Variants in GALNT18 observed in about 807,000 individuals in gnomAD.
GALNT18 encodes GalNAc-transferase 18.
GALNT18 carries 44 observed loss-of-function variants against 69.5 expected under a neutral mutation model. The observed-to-expected ratio is 0.63, with a 90% CI of 0.50 to 0.81. The LOEUF (loss-of-function observed/expected upper bound fraction) is 0.81, where lower values mean the gene tolerates loss of function less well. Ranked by LOEUF, GALNT18 falls within the 40% of genes least tolerant of loss-of-function variation. GALNT18 has a pLI of 0.00. For missense variants in GALNT18, 715 were observed against 810.0 expected (o/e 0.88, Z 1.42); for synonymous variants, 364 against 318.2 (o/e 1.14, Z -1.53).
At chr11:11,545,267 A>G (rs1444277996) in intron 1 of GALNT18, among the ~76,000 whole-genome samples, 1 of 152,242 alleles carries the variant, frequency 6.6e-6, no homozygotes, top group Admixed American at 6.5e-5. Flanking sequence ...GCTTTCATAA[A>G]AGTAAAGAAC....
intron 6 of GALNT18, among the ~76,000 whole-genome samples, chr11:11,342,882 T>C (rs1487611077): frequency 6.6e-6 from 1 of 152,160 alleles, no homozygotes; most frequent in African/African-American, 2.4e-5. Context: ...TCTCAGAAGG[T>C]CACTGAGAAA....
Position 11,621,999 on chromosome 11 carries a change from G to T in GALNT18, c.-406C>A. On this transcript the variant is annotated 5_prime_UTR_variant, in exon 1 of 11. Transcript: ENST00000227756. The surrounding 1 kb of genome is among the most constrained non-coding windows in gnomAD (Gnocchi z 9.3). ...GTCCGACCGGCCCGCGCTGCTAGGA[G>T]AACAGCGGCAGCGGCAGCGGCGGCG... 6.1e-6 allele frequency: 1 copy of T among 163,920 alleles called. No homozygotes were observed. The allele number at this position is 163,920 out of a possible 1,614,324, so 10.2% of individuals were successfully genotyped here. A position where few individuals can be genotyped will look rare whatever the true frequency, so the allele number is the denominator to read the frequency against.
intron 9 of GALNT18, among the ~76,000 whole-genome samples, chr11:11,323,388 C>A (rs1005001102): frequency 1.3e-5 from 2 of 152,216 alleles, no homozygotes; most frequent in African/African-American, 4.8e-5. Context: ...AAGGAGAAAT[C>A]AGAATGAAGG....
chr11:11,611,148 A>AT (rs1859890192), intron 1 of GALNT18, among the ~76,000 whole-genome samples: 1 of 152,188 alleles, frequency 6.6e-6, no homozygotes, highest in Non-Finnish European at 1.5e-5. Flanking sequence ...CTCAAGTAAG[A>AT]TTTTTGCTTA....
rs1200188736 is a variant in GALNT18 at position 11,621,351 on chromosome 11, G to T, written c.235+8C>A. 1.2e-6 allele frequency: 2 copies of T among 1,610,998 alleles called. No individual in the cohort carries two copies. Among genetic ancestry groups the T allele is most frequent in the East Asian group, 4.5e-5 (2 of 44,772 alleles). ...CATGGGCGACCCAAGTTTCCGGGGC[G>T]CCCGTACCTTGAATGTGCTGCTTGA... On this transcript the variant is annotated splice_region_variant and intron_variant, in intron 1 of 10. Transcript: ENST00000227756. This position sits in a 1 kb window ranked among gnomAD's most constrained non-coding sequence, Gnocchi z 9.3.
At chr11:11,294,181 C>T (rs1461581515) in intron 9 of GALNT18, among the ~76,000 whole-genome samples, 1 of 152,206 alleles carries the variant, frequency 6.6e-6, no homozygotes, top group African/African-American at 2.4e-5. Context: ...CCTGGGGAAA[C>T]CAGGTCCAAG....
chr11:11,304,496 T>TA (rs780732924), intron 9 of GALNT18, among the ~76,000 whole-genome samples: 10 of 152,222 alleles, frequency 6.6e-5, no homozygotes, highest in Non-Finnish European at 1.5e-4. Flanking sequence ...AAGCTGTGCC[T>TA]ACTCAATCAC....
At chr11:11,507,506 T>C (rs1384243615) in intron 1 of GALNT18, among the ~76,000 whole-genome samples, 1 of 152,192 alleles carries the variant, frequency 6.6e-6, no homozygotes, top group African/African-American at 2.4e-5. Flanking sequence ...CTTTTCCTTC[T>C]CCCCTTCCTC....
Position 11,498,655 on chromosome 11 carries a change from C to T in GALNT18, c.236-49719G>A, listed in dbSNP as rs192114930. ...CTCTACTAAAATACAAAAAATCAGC[C>T]GGGCATGGTGCTGTGCACCTGTAGT... is the stretch of plus-strand genomic sequence containing the variant. On this transcript the variant is annotated intron_variant, in intron 1 of 10. Coordinates refer to ENST00000227756, the MANE Select transcript of GALNT18 (RefSeq NM_198516.3). 1.4e-3 allele frequency among the ~76,000 whole-genome samples: 216 copies of T among 152,206 alleles called. 1 individual carries two copies. Among genetic ancestry groups the T allele is most frequent in the South Asian group, 7.1e-3 (34 of 4,820 alleles).
At position 11,322,357 on chromosome 11, in the gene GALNT18, C is replaced by G. The variant is rs114460711; in HGVS notation, c.1512+4729G>C. Among the ~76,000 whole-genome samples the G allele has an allele frequency of 5.2e-3, 790 of 152,320 alleles. 6 individuals are homozygous for G. Among genetic ancestry groups the G allele is most frequent in the African/African-American group, 0.018 (759 of 41,568 alleles). ...TCTGCAGTTGGTAGAGAACTGGCAG[C>G]CTCTGCTCAGGCCAACATCTACCAT... On this transcript the variant is annotated intron_variant, in intron 9 of 10. Coordinates refer to ENST00000227756, the MANE Select transcript of GALNT18 (RefSeq NM_198516.3).
chr11:11,450,419 G>A (rs2050829530), intron 1 of GALNT18, among the ~76,000 whole-genome samples: 1 of 152,110 alleles, frequency 6.6e-6, no homozygotes, highest in African/African-American at 2.4e-5. Context: ...AAAGAGGGAG[G>A]CTTCCAAAAC....
intron 1 of GALNT18, among the ~76,000 whole-genome samples, chr11:11,608,189 T>A (rs1859798713): frequency 6.6e-6 from 1 of 152,126 alleles, no homozygotes; most frequent in Admixed American, 6.5e-5. Flanking sequence ...TGGGGCTAAA[T>A]CTGATATACT....
chr11:11,370,934 A>C (rs569956010), intron 6 of GALNT18, among the ~76,000 whole-genome samples: 3 of 152,342 alleles, frequency 2.0e-5, no homozygotes, highest in Non-Finnish European at 4.4e-5. Context: ...ATCCAGGAGC[A>C]GTGCTGAAAT....
chr11:11,411,572 A>T (rs531977902), intron 3 of GALNT18, among the ~76,000 whole-genome samples: 85 of 152,208 alleles, frequency 5.6e-4, no homozygotes, highest in Non-Finnish European at 8.4e-4. Context: ...CTGAAAGGCC[A>T]ACTGGGGCAG....
At chr11:11,417,153 C>A (rs533392315) in intron 3 of GALNT18, among the ~76,000 whole-genome samples, 2 of 152,346 alleles carry the variant, frequency 1.3e-5, no homozygotes, top group East Asian at 3.9e-4. Flanking sequence ...AGAATCCACA[C>A]CACCATTGCA....
In GALNT18 at chr11:11,621,566, A is replaced by C. The variant is rs905621071; in HGVS notation, c.28T>G (p.Leu10Val). The C allele has an allele frequency of 6.2e-7, 1 of 1,610,700 alleles. No individual in the cohort carries two copies. The highest frequency in any genetic ancestry group is 1.1e-5 in the South Asian group (1 of 90,700). The change falls in exon 1 of 11, where the codon TTG (leucine) becomes GTG (valine). Residue 10 changes from leucine (L) to valine (V), a missense_variant. By Grantham distance (32) the Leu-to-Val change is conservative (BLOSUM62 1). Transcript: ENST00000227756. The surrounding 1 kb of genome is among the most constrained non-coding windows in gnomAD (Gnocchi z 9.3). Reference protein sequence around the residue: MVCTRKTKTLVSTCVILSGM... With the variant: MVCTRKTKTVVSTCVILSGM... ...CTCAGGATCACGCAAGTGGACACCA[A>C]AGTTTTGGTCTTCCTGGTGCACACC...
chr11:11,403,863 A>T (rs1386128740), intron 3 of GALNT18, among the ~76,000 whole-genome samples: 1 of 152,190 alleles, frequency 6.6e-6, no homozygotes, highest in Non-Finnish European at 1.5e-5. Context: ...GAAGAGGGTG[A>T]GGTTGCTCCT....
intron 10 of GALNT18, 50 bp downstream of exon 10, chr11:11,292,974 ACTCTC>A: frequency 7.5e-7 from 1 of 1,328,428 alleles, no homozygotes. Flanking sequence ...CCCTGAGGCC[ACTCTC>A]CTGGTTTTCC....
intron 1 of GALNT18, among the ~76,000 whole-genome samples, chr11:11,535,212 C>T (rs998345749): frequency 1.3e-5 from 2 of 152,130 alleles, no homozygotes; most frequent in Non-Finnish European, 2.9e-5. Flanking sequence ...GACCCTGGCC[C>T]CCGGCCAGTT....
Sources: gnomAD v4.1 joint callset for allele counts (sites outside exome capture counted in the v4.1 genomes callset) on GRCh38, gnomAD v4.1.1 for gene constraint, Gnocchi (gnomAD v3.1) non-coding constraint, MANE v1.5 for transcripts, NCBI Gene and HGNC (gene_info 2026-07-23, HGNC 2026-07-21) for gene names.